Variants in SGCZ observed in about 807,000 individuals in gnomAD.
SGCZ encodes the protein zeta-sarcoglycan.
A neutral mutation model predicts 41.3 loss-of-function variants in SGCZ; 40 were observed. The observed-to-expected ratio is 0.97, with a 90% CI of 0.75 to 1.26. The LOEUF is 1.26. Among genes scored for constraint, SGCZ ranks in the 50% most tolerant of loss-of-function variants. SGCZ has a pLI of 0.00. For missense variants in SGCZ, 552 were observed against 369.8 expected, an observed-to-expected ratio of 1.49 and a Z score of -4.04; for synonymous variants, 206 against 137.5, an observed-to-expected ratio of 1.50 and a Z score of -3.49.
rs1008115259 is a variant in SGCZ, at chr8:14,768,833, A to G, written c.40-213907T>C. Among the ~76,000 whole-genome samples the G allele has an allele frequency of 3.2e-4, 49 of 152,034 alleles. 1 individual carries two copies. Among genetic ancestry groups the G allele is most frequent in the Non-Finnish European group, 8.8e-5 (6 of 68,024 alleles). ...TCCCATTTTAACCACTGTTCATGGTACCCAGTAAGTCAGTCACTGACAAAG... is the reference window on the plus strand; with the variant it reads ...TCCCATTTTAACCACTGTTCATGGTGCCCAGTAAGTCAGTCACTGACAAAG... On this transcript the variant is annotated intron_variant, in intron 1 of 7. Transcript: ENST00000382080.
At chr8:14,421,836 A>C (rs1267884732) in intron 2 of SGCZ, among the ~76,000 whole-genome samples, 1 of 152,160 alleles carries the variant, frequency 6.6e-6, no homozygotes, top group Non-Finnish European at 1.5e-5. Flanking sequence ...CGAAAGGAAA[A>C]ATAGTTTATT....
intron 5 of SGCZ, among the ~76,000 whole-genome samples, chr8:14,150,186 A>T (rs1803656172): frequency 6.6e-6 from 1 of 152,172 alleles, no homozygotes; most frequent in Admixed American, 6.5e-5. Flanking sequence ...GGATCAAATC[A>T]AGTTAAAAAG....
rs17119632 is a variant in SGCZ at position 14,525,850 on chromosome 8, A to T, written c.234+28882T>A. Among the ~76,000 whole-genome samples, 1,420 of 151,456 alleles carry T rather than the reference A, an allele frequency of 9.4e-3. 25 individuals are homozygous for T. Among genetic ancestry groups the T allele is most frequent in the African/African-American group, 0.032 (1,318 of 40,864 alleles). ...ACACAGTGCACTGCAGAAACTAGAC[A>T]TGCAGTCCTGGGGCATCATTATTCA... On this transcript the variant is annotated intron_variant, in intron 2 of 7. Transcript: ENST00000382080.
intron 1 of SGCZ, among the ~76,000 whole-genome samples, chr8:15,103,611 A>G (rs996914004): frequency 6.6e-6 from 1 of 152,120 alleles, no homozygotes; most frequent in African/African-American, 2.4e-5. Flanking sequence ...AACTAGAGGA[A>G]GATTCATCTG....
intron 1 of SGCZ, among the ~76,000 whole-genome samples, chr8:14,997,883 C>T (rs1420847074): frequency 3.3e-5 from 5 of 152,044 alleles, no homozygotes; most frequent in African/African-American, 4.8e-5. Context: ...TTGCTTGAAC[C>T]CGGGAGGCGG....
At chr8:14,238,652 G>A (rs1322203317) in intron 3 of SGCZ, among the ~76,000 whole-genome samples, 1 of 151,962 alleles carries the variant, frequency 6.6e-6, no homozygotes, top group African/African-American at 2.4e-5. Flanking sequence ...TCATTTTAAC[G>A]CTCTAAAACC....
chr8:14,775,487 G>A (rs1163529217), intron 1 of SGCZ, among the ~76,000 whole-genome samples: 1 of 151,918 alleles, frequency 6.6e-6, no homozygotes, highest in African/African-American at 2.4e-5. Context: ...GTGTGTGTGT[G>A]TGTGTGTGTG....
chr8:14,098,188 A>C (rs1801903369), intron 7 of SGCZ, among the ~76,000 whole-genome samples: 1 of 152,200 alleles, frequency 6.6e-6, no homozygotes, highest in Non-Finnish European at 1.5e-5. Context: ...AAAGTTAAAA[A>C]GCATGATTAC....
chr8:15,081,487 C>A (rs1805744719), intron 1 of SGCZ, among the ~76,000 whole-genome samples: 1 of 143,420 alleles, frequency 7.0e-6, no homozygotes, highest in South Asian at 2.1e-4. Flanking sequence ...TGGCCAGATC[C>A]AATGGCTTTT....
intron 1 of SGCZ, among the ~76,000 whole-genome samples, chr8:14,571,455 G>T (rs1000566471): frequency 2.0e-5 from 3 of 152,132 alleles, no homozygotes; most frequent in Admixed American, 6.6e-5. Context: ...TACAGATCTG[G>T]CTGTGGTATG....
Position 15,216,577 on chromosome 8 carries a change from AAAT to A in SGCZ, c.39+21005_39+21007del, listed in dbSNP as rs1012697106. ...CAAAGACCCTGTACAAGTTGTGTATAAATATACAGAATTCCCAGGAAACTGTCA... is the reference window on the plus strand; with the variant it reads ...CAAAGACCCTGTACAAGTTGTGTATAATACAGAATTCCCAGGAAACTGTCA... On this transcript the variant is annotated intron_variant, in intron 1 of 7. Transcript: ENST00000382080. Among the ~76,000 whole-genome samples the A allele has an allele frequency of 5.5e-4, 83 of 152,156 alleles. 1 individual carries two copies. Among genetic ancestry groups the A allele is most frequent in the Non-Finnish European group, 1.3e-4 (9 of 68,010 alleles).
In SGCZ at chr8:14,963,353, T is replaced by G. The variant is rs1801026884; in HGVS notation, c.39+274232A>C. On this transcript the variant is annotated intron_variant, in intron 1 of 7. Coordinates refer to ENST00000382080, the MANE Select transcript of SGCZ (RefSeq NM_139167.4). ...TCTTTTTCTTCTTTTTTTTTTTTTG[T>G]TTGGAGACAGAGTCTCACTCTATTG... is the stretch of plus-strand genomic sequence containing the variant. 2.1e-5 allele frequency among the ~76,000 whole-genome samples: 3 copies of G among 144,964 alleles called. No homozygotes were observed. In the South Asian group the frequency reaches 6.6e-4, roughly 32 times the overall value.
At chr8:15,050,036 C>G (rs1300788639) in intron 1 of SGCZ, among the ~76,000 whole-genome samples, 1 of 152,054 alleles carries the variant, frequency 6.6e-6, no homozygotes, top group African/African-American at 2.4e-5. Context: ...CTAATACAGT[C>G]AATAGTTGGG....
At chr8:14,519,885 C>A (rs763825046) in intron 2 of SGCZ, among the ~76,000 whole-genome samples, 2 of 152,084 alleles carry the variant, frequency 1.3e-5, no homozygotes, top group Non-Finnish European at 2.9e-5. Flanking sequence ...CACACTTCAA[C>A]CTTAACCTCT....
chr8:14,931,483 T>G (rs1290563677), intron 1 of SGCZ, among the ~76,000 whole-genome samples: 2 of 152,042 alleles, frequency 1.3e-5, no homozygotes, highest in Non-Finnish European at 2.9e-5. Context: ...TTCAATTCTC[T>G]CATTAGTGCC....
intron 2 of SGCZ, among the ~76,000 whole-genome samples, chr8:14,477,422 G>A (rs7003662): frequency 0.054 from 8,209 of 152,096 alleles, 722 homozygotes; most frequent in African/African-American, 0.18. Flanking sequence ...TCTTACCACT[G>A]TGAGTTGTTT....
At chr8:15,087,944 T>A (rs1390429486) in intron 1 of SGCZ, among the ~76,000 whole-genome samples, 1 of 151,984 alleles carries the variant, frequency 6.6e-6, no homozygotes, top group African/African-American at 2.4e-5. Context: ...TAAACATGCA[T>A]GTAAAATGCT....
In SGCZ at chr8:14,317,664, G is replaced by A. The variant is rs571762018; in HGVS notation, c.336+6439C>T. ...GTTAAGAAATGTTTCTGAACAACAC[G>A]AAAGAGGTTTAGAAAGAAATGAGAG... is the stretch of plus-strand genomic sequence containing the variant. On this transcript the variant is annotated intron_variant, in intron 3 of 7. Coordinates refer to ENST00000382080, the MANE Select transcript of SGCZ (RefSeq NM_139167.4). 2.4e-4 allele frequency among the ~76,000 whole-genome samples: 36 copies of A among 151,946 alleles called. No homozygotes were observed. The East Asian group carries it at 5.8e-3, about 25-fold the overall frequency.
chr8:14,540,462 T>A (rs1249111030), intron 2 of SGCZ, among the ~76,000 whole-genome samples: 1 of 151,798 alleles, frequency 6.6e-6, no homozygotes, highest in African/African-American at 2.4e-5. Flanking sequence ...GGATATCTGT[T>A]ACATTATATC....
Sources: gnomAD v4.1 joint callset for allele counts (sites outside exome capture counted in the v4.1 genomes callset) on GRCh38, gnomAD v4.1.1 for gene constraint, MANE v1.5 for transcripts, NCBI Gene and HGNC (gene_info 2026-07-23, HGNC 2026-07-21) for gene names.